POLA1: variants seen among roughly 807,000 people sequenced by gnomAD.
The protein encoded by POLA1 is DNA polymerase alpha 1, catalytic subunit, also known as DNA polymerase alpha catalytic subunit.
In POLA1, 15 loss-of-function variants were observed where a neutral mutation model predicts 124.0. The observed-to-expected ratio is 0.12, with a 90% CI of 0.08 to 0.19. The LOEUF is 0.19. Among genes scored for constraint, POLA1 ranks in the 10% least tolerant of loss-of-function variants. The probability of loss-of-function intolerance (pLI) is 1.00; values close to 1 mark genes in which losing one functional copy is unlikely to be tolerated. For synonymous variants in POLA1, 408 were observed against 389.4 expected, an observed-to-expected ratio of 1.05 and a Z score of -0.56; for missense variants, 886 against 1,103.4, an observed-to-expected ratio of 0.80 and a Z score of 2.79.
chrX:24,784,607 C>A (rs1040422482), intron 26 of POLA1, among the ~76,000 whole-genome samples: 1 of 110,086 alleles, frequency 9.1e-6, no homozygotes, highest in Admixed American at 9.8e-5. Flanking sequence ...TCACTTGAAT[C>A]CAGGAGGCAG....
At chrX:24,832,276 C>T (rs1454709005) in intron 32 of POLA1, among the ~76,000 whole-genome samples, 1 of 111,326 alleles carries the variant, frequency 9.0e-6, no homozygotes, top group Non-Finnish European at 1.9e-5. Context: ...TGTGTTATCT[C>T]AGCCACCCCC....
At chrX:24,914,716 A>G (rs1374811220) in intron 35 of POLA1, among the ~76,000 whole-genome samples, 1 of 111,714 alleles carries the variant, frequency 9.0e-6, no homozygotes, top group East Asian at 2.8e-4. Context: ...GTAGTTCCGC[A>G]TTCTTTTATG....
chrX:24,830,571 A>G (rs764267592), intron 32 of POLA1, among the ~76,000 whole-genome samples: 326 of 112,190 alleles, frequency 2.9e-3, no homozygotes, highest in African/African-American at 0.01. Flanking sequence ...ATAGGAAAAA[A>G]TATAGTATTA....
chrX:24,910,979 G>A (rs113676513), intron 35 of POLA1, among the ~76,000 whole-genome samples: 2 of 111,830 alleles, frequency 1.8e-5, no homozygotes, highest in African/African-American at 3.2e-5. Flanking sequence ...CATATTCTGG[G>A]TCATAAAACC....
rs1327430489 is a variant in POLA1 at position 24,971,583 on chromosome X, A to G, written c.4262-24222A>G. 3.3e-4 allele frequency among the ~76,000 whole-genome samples: 37 copies of G among 112,073 alleles called. No individual in the cohort carries two copies. In the Admixed American group the frequency reaches 3.4e-3, roughly 10 times the overall value. On this transcript the variant is annotated intron_variant, in intron 36 of 36. Coordinates refer to ENST00000379068, the MANE Select transcript of POLA1 (RefSeq NM_001330360.2). ...CCTCACACTGTCCCCTGGCACTTCT[A>G]CCTGGCTGTTGAAGCCATCATGGCA... is the stretch of plus-strand genomic sequence containing the variant.
chrX:24,946,344 TGTGCTCATCTCTTGGG>T (rs373479258), intron 36 of POLA1, among the ~76,000 whole-genome samples: 35 of 112,078 alleles, frequency 3.1e-4, no homozygotes, highest in Admixed American at 6.6e-4. Flanking sequence ...TCCTGTGTCC[TGTGCTCATCTCTTGGG>T]GTGCTCATCT....
chrX:24,827,213 G>T (rs2046186961), intron 32 of POLA1, among the ~76,000 whole-genome samples: 1 of 111,955 alleles, frequency 8.9e-6, no homozygotes, highest in Non-Finnish European at 1.9e-5. Context: ...TATGTCACCA[G>T]ATTGTCTCCG....
At chrX:24,853,034 C>G (rs1178947680) in intron 34 of POLA1, among the ~76,000 whole-genome samples, 1 of 112,666 alleles carries the variant, frequency 8.9e-6, no homozygotes, top group Non-Finnish European at 1.9e-5. Flanking sequence ...AAAGTTATGG[C>G]TAATCTTTTG....
At chrX:24,908,598 G>T in intron 35 of POLA1, among the ~76,000 whole-genome samples, 1 of 110,780 alleles carries the variant, frequency 9.0e-6, no homozygotes, top group African/African-American at 3.3e-5. Flanking sequence ...GTATTCCATG[G>T]TGTATATGTG....
At chrX:24,820,793 G>T (rs980438951) in intron 30 of POLA1, among the ~76,000 whole-genome samples, 1 of 109,554 alleles carries the variant, frequency 9.1e-6, no homozygotes, top group Non-Finnish European at 1.9e-5. Flanking sequence ...TCATCCTGTG[G>T]TACTTTATAA....
At chrX:24,801,811 T>C (rs1229134976) in intron 26 of POLA1, among the ~76,000 whole-genome samples, 1 of 110,733 alleles carries the variant, frequency 9.0e-6, no homozygotes, top group East Asian at 2.8e-4. Context: ...AGAGAGGTTA[T>C]ATTGTTTGCC....
intron 10 of POLA1, among the ~76,000 whole-genome samples, chrX:24,718,565 G>A (rs896360006): frequency 8.9e-6 from 1 of 112,406 alleles, no homozygotes; most frequent in Admixed American, 9.4e-5. Flanking sequence ...TGAAAGCCTC[G>A]TTAAGGAGTT....
Position 24,854,551 on chromosome X carries a change from C to T in POLA1, c.4047+10874C>T, listed in dbSNP as rs757845415. ...TTATCCTAAAGAAATGTACCCCAGGCCGGGTGTGGTGGCTCACGCCTGTAA... is the reference window on the plus strand; with the variant it reads ...TTATCCTAAAGAAATGTACCCCAGGTCGGGTGTGGTGGCTCACGCCTGTAA... On this transcript the variant is annotated intron_variant, in intron 34 of 36. Coordinates refer to ENST00000379068, the MANE Select transcript of POLA1 (RefSeq NM_001330360.2). Among the ~76,000 whole-genome samples the T allele has an allele frequency of 1.2e-3, 131 of 110,286 alleles. 2 individuals are homozygous for T. Among genetic ancestry groups the T allele is most frequent in the African/African-American group, 4.2e-3 (128 of 30,460 alleles).
At chrX:24,878,941 C>A (rs2046969752) in intron 34 of POLA1, among the ~76,000 whole-genome samples, 1 of 110,938 alleles carries the variant, frequency 9.0e-6, no homozygotes, top group Non-Finnish European at 1.9e-5. Flanking sequence ...ATTATAAGAA[C>A]AATATACACT....
intron 10 of POLA1, among the ~76,000 whole-genome samples, chrX:24,720,067 C>T (rs886477748): frequency 2.7e-5 from 3 of 111,344 alleles, no homozygotes; most frequent in African/African-American, 6.5e-5. Flanking sequence ...GCTTCTGATG[C>T]CTGCTGTCTA....
At chrX:24,814,909 T>C in intron 29 of POLA1, 70 bp from the exon 30 acceptor site, 2 of 956,498 alleles carry the variant, frequency 2.1e-6, no homozygotes, top group Non-Finnish European at 2.8e-6. Context: ...TTCCTTCTTC[T>C]CCTTTACTAG....
chrX:24,984,776 C>T (rs964693917), intron 36 of POLA1, among the ~76,000 whole-genome samples: 4 of 107,167 alleles, frequency 3.7e-5, no homozygotes, highest in African/African-American at 1.4e-4. Context: ...TCTCCTGCCT[C>T]AGCCTCCCGA....
At chrX:24,742,184 G>C in intron 22 of POLA1, 63 bp downstream of exon 22, 1 of 991,510 alleles carries the variant, frequency 1.0e-6, no homozygotes. Context: ...TTAATACCTA[G>C]ATAGCCTTTT....
At chrX:24,876,141 G>A (rs1046405465) in intron 34 of POLA1, among the ~76,000 whole-genome samples, 1 of 111,928 alleles carries the variant, frequency 8.9e-6, no homozygotes, top group Non-Finnish European at 1.9e-5. Flanking sequence ...TATATTTTTA[G>A]ATTGTTTTGT....
Sources: allele counts gnomAD v4.1 joint callset (sites outside exome capture counted in the v4.1 genomes callset), GRCh38; gene constraint gnomAD v4.1.1; transcripts MANE v1.5; gene names NCBI Gene and HGNC (gene_info 2026-07-23, HGNC 2026-07-21).